The following CSMD1 variants were observed in gnomAD, a reference collection of about 807,000 sequenced individuals.
CSMD1 encodes the protein CUB and Sushi multiple domains 1, also known as CUB and sushi domain-containing protein 1.
In CSMD1, 213 loss-of-function variants were observed where a neutral mutation model predicts 417.5. The observed-to-expected ratio is 0.51, with a 90% CI of 0.46 to 0.57. CSMD1 has a LOEUF of 0.57. Among genes scored for constraint, CSMD1 ranks in the 20% least tolerant of loss-of-function variants. The probability of loss-of-function intolerance (pLI) is 0.00; values close to 1 mark genes in which losing one functional copy is unlikely to be tolerated. For missense variants in CSMD1, 6,923 were observed against 4,529.7 expected, an observed-to-expected ratio of 1.53 and a Z score of -15.17; for synonymous variants, 2,862 against 1,736.8, an observed-to-expected ratio of 1.65 and a Z score of -16.11.
At chr8:4,129,951 G>T (rs62503603) in intron 3 of CSMD1, among the ~76,000 whole-genome samples, 1 of 151,924 alleles carries the variant, frequency 6.6e-6, no homozygotes, top group South Asian at 2.1e-4. Context: ...CTTATATCTT[G>T]CAAATTTTCA....
At chr8:3,896,354 A>C (rs1227396845) in intron 5 of CSMD1, among the ~76,000 whole-genome samples, 1 of 152,188 alleles carries the variant, frequency 6.6e-6, no homozygotes. Context: ...GAATTAGCAA[A>C]ACATTAAGAC....
At chr8:4,132,221 G>A (rs1220779790) in intron 3 of CSMD1, among the ~76,000 whole-genome samples, 6 of 142,352 alleles carry the variant, frequency 4.2e-5, no homozygotes, top group Non-Finnish European at 6.0e-5. Flanking sequence ...TTTTTCACGG[G>A]GTAGTAATAC....
chr8:4,932,678 G>C (rs55883787), intron 1 of CSMD1, among the ~76,000 whole-genome samples: 3 of 152,224 alleles, frequency 2.0e-5, no homozygotes, highest in Admixed American at 1.3e-4. Flanking sequence ...AGGAATGAAT[G>C]ACACAGTAAA....
intron 3 of CSMD1, among the ~76,000 whole-genome samples, chr8:4,383,131 G>C (rs891650114): frequency 6.6e-6 from 1 of 152,102 alleles, no homozygotes; most frequent in African/African-American, 2.4e-5. Context: ...ATTAAACTAA[G>C]CAACTTGATG....
intron 1 of CSMD1, among the ~76,000 whole-genome samples, chr8:4,742,371 T>A (rs569378288): frequency 2.0e-5 from 3 of 152,036 alleles, no homozygotes; most frequent in Non-Finnish European, 4.4e-5. Context: ...CCACCGACTG[T>A]ATCATGAGAA....
chr8:3,038,676 C>A (rs1318260358), intron 50 of CSMD1, among the ~76,000 whole-genome samples: 1 of 149,426 alleles, frequency 6.7e-6, no homozygotes, highest in Non-Finnish European at 1.5e-5. Flanking sequence ...TAAGAATATC[C>A]TTAGAGCTCT....
intron 12 of CSMD1, among the ~76,000 whole-genome samples, chr8:3,411,728 A>T (rs1812725594): frequency 7.3e-6 from 1 of 137,314 alleles, no homozygotes. Context: ...ACACGTACAT[A>T]TATACACGTG....
chr8:3,658,187 A>C (rs990895831), intron 7 of CSMD1, among the ~76,000 whole-genome samples: 5 of 152,162 alleles, frequency 3.3e-5, no homozygotes, highest in Admixed American at 2.6e-4. Flanking sequence ...ACAATTTTCT[A>C]TGTAAACTGT....
chr8:4,428,019 G>T (rs1054213001), intron 2 of CSMD1, among the ~76,000 whole-genome samples: 2 of 152,134 alleles, frequency 1.3e-5, no homozygotes, highest in Non-Finnish European at 2.9e-5. Flanking sequence ...AGTAGCTACT[G>T]TACTTGAAGC....
chr8:4,598,966 G>T (rs778188258), intron 2 of CSMD1, among the ~76,000 whole-genome samples: 1 of 152,158 alleles, frequency 6.6e-6, no homozygotes, highest in African/African-American at 2.4e-5. Flanking sequence ...TAAACCAATT[G>T]TTAGTCTTCC....
rs544059077 is a variant in CSMD1 at position 3,938,816 on chromosome 8, T to G, written c.818+59087A>C. On this transcript the variant is annotated intron_variant, in intron 5 of 69. Coordinates refer to ENST00000635120, the MANE Select transcript of CSMD1 (RefSeq NM_033225.6). ...CCAAACATTTTCTTCAGTAAAATAT[T>G]TAGCTAACATATCTTTATTTTAGAC... 2.6e-5 allele frequency among the ~76,000 whole-genome samples: 4 copies of G among 152,298 alleles called. No homozygotes were observed. The South Asian group carries it at 6.2e-4, about 24-fold the overall frequency.
At chr8:4,509,921 A>G (rs530867237) in intron 2 of CSMD1, among the ~76,000 whole-genome samples, 2 of 152,198 alleles carry the variant, frequency 1.3e-5, no homozygotes, top group African/African-American at 4.8e-5. Context: ...TACCTGATAG[A>G]GGTATATGAA....
chr8:3,141,445 C>T (rs1296856190), intron 41 of CSMD1, among the ~76,000 whole-genome samples: 1 of 152,124 alleles, frequency 6.6e-6, no homozygotes, highest in Non-Finnish European at 1.5e-5. Context: ...CGAAAAGACC[C>T]CCTTCTTGCC....
chr8:3,773,902 A>T (rs541361409), intron 5 of CSMD1, among the ~76,000 whole-genome samples: 8 of 152,244 alleles, frequency 5.3e-5, no homozygotes, highest in Admixed American at 5.2e-4. Context: ...CAATAAACAA[A>T]CTGGGGACCT....
intron 2 of CSMD1, among the ~76,000 whole-genome samples, chr8:4,490,748 G>T (rs1466491446): frequency 6.6e-6 from 1 of 152,130 alleles, no homozygotes; most frequent in Non-Finnish European, 1.5e-5. Flanking sequence ...GATAACCCAG[G>T]GTCAGATTGT....
At chr8:4,194,883 C>G (rs1275211635) in intron 3 of CSMD1, among the ~76,000 whole-genome samples, 1 of 152,062 alleles carries the variant, frequency 6.6e-6, no homozygotes, top group Admixed American at 6.5e-5. Flanking sequence ...TGGTCAGCCA[C>G]ATAATTAGAA....
At position 3,369,340 on chromosome 8, in the gene CSMD1, C is replaced by T; in HGVS notation, c.2813G>A (p.Ser938Asn). The T allele has an allele frequency of 6.3e-7, 1 of 1,599,344 alleles. No individual in the cohort carries two copies. The highest frequency in any genetic ancestry group is 8.6e-7 in the Non-Finnish European group (1 of 1,167,158). Residue 938 changes from serine (S) to asparagine (N), a missense_variant, in exon 19 of 70, where the codon AGT becomes AAT. Ser to Asn is a conservative substitution (Grantham distance 46). Coordinates refer to ENST00000635120, the MANE Select transcript of CSMD1 (RefSeq NM_033225.6). ...ALCGGYIQGKSGTVLSPGFPD... is the reference protein window; with the variant it reads ...ALCGGYIQGKNGTVLSPGFPD... ...AAACCCAGGAGAAAGGACTGTTCCA[C>T]TCTTCCCTTGGATGTAGCCTCCACA...
chr8:4,039,664 G>A (rs751170636), intron 3 of CSMD1, among the ~76,000 whole-genome samples: 2 of 152,172 alleles, frequency 1.3e-5, no homozygotes, highest in Non-Finnish European at 1.5e-5. Context: ...AGAACTGGCT[G>A]AGAATAACTC....
chr8:4,286,349 C>T (rs1421706867), intron 3 of CSMD1, among the ~76,000 whole-genome samples: 1 of 152,122 alleles, frequency 6.6e-6, no homozygotes, highest in African/African-American at 2.4e-5. Context: ...TAAAAAACAA[C>T]GTTTTTCCTT....
Sources: gnomAD v4.1 joint callset for allele counts (sites outside exome capture counted in the v4.1 genomes callset) on GRCh38, gnomAD v4.1.1 for gene constraint, MANE v1.5 for transcripts, NCBI Gene and HGNC (gene_info 2026-07-23, HGNC 2026-07-21) for gene names.